SBF2: variants seen among roughly 807,000 people sequenced by gnomAD.
SBF2 encodes the protein SET binding factor 2.
A neutral mutation model predicts 225.2 loss-of-function variants in SBF2; 112 were observed. The ratio of observed to expected loss-of-function variants is 0.50; its 90% CI spans 0.43 to 0.58. The LOEUF is 0.58. SBF2 is among the 20% of genes least tolerant of loss of function. The pLI, the probability that SBF2 is intolerant of heterozygous loss-of-function variation, is 0.00. For synonymous variants in SBF2, 763 were observed against 773.3 expected, an observed-to-expected ratio of 0.99 and a Z score of 0.22; for missense variants, 1,996 against 2,206.2, an observed-to-expected ratio of 0.90 and a Z score of 1.91.
At chr11:10,212,338 A>T (rs1273104775) in intron 1 of SBF2, among the ~76,000 whole-genome samples, 1 of 152,194 alleles carries the variant, frequency 6.6e-6, no homozygotes, top group African/African-American at 2.4e-5. Flanking sequence ...GTCGCTGGGA[A>T]TTATCATTAG....
intron 33 of SBF2, among the ~76,000 whole-genome samples, chr11:9,793,896 G>T (rs1384124573): frequency 3.3e-5 from 5 of 152,158 alleles, no homozygotes; most frequent in Non-Finnish European, 7.3e-5. Context: ...GAGAAGCCTT[G>T]GTCTTTGGCC....
intron 1 of SBF2, among the ~76,000 whole-genome samples, chr11:10,262,108 A>G (rs1961495892): frequency 6.6e-6 from 1 of 152,190 alleles, no homozygotes; most frequent in African/African-American, 2.4e-5. Context: ...AAAGAAAAAA[A>G]AAGTCCCCAA....
chr11:10,074,658 T>C (rs913706859), intron 2 of SBF2, among the ~76,000 whole-genome samples: 3 of 152,182 alleles, frequency 2.0e-5, no homozygotes, highest in Admixed American at 6.5e-5. Context: ...TATCTCTGTT[T>C]ATTAAGTTTA....
intron 1 of SBF2, among the ~76,000 whole-genome samples, chr11:10,286,136 T>C (rs1963757008): frequency 6.7e-6 from 1 of 150,134 alleles, no homozygotes; most frequent in Non-Finnish European, 1.5e-5. Flanking sequence ...CCAAAAGAGA[T>C]TTTAAATTTC....
At position 10,294,190 on chromosome 11, in the gene SBF2, C is replaced by G; in HGVS notation, c.-121G>C. ...GGCAGTAGCGGCAGCGGCAGCGCTT[C>G]AGCCATGTTTGACAACCGAGGCGCG... On this transcript the variant is annotated 5_prime_UTR_variant, in exon 1 of 40. Coordinates refer to ENST00000256190, the MANE Select transcript of SBF2 (RefSeq NM_030962.4). The G allele has an allele frequency of 1.3e-6, 1 of 763,356 alleles. No homozygotes were observed. Among genetic ancestry groups the G allele is most frequent in the Non-Finnish European group, 1.8e-6 (1 of 559,182 alleles). 47.3% of individuals were successfully genotyped at this position (763,356 alleles called of 1,614,324 possible).
chr11:10,090,030 A>G (rs1337397755), intron 2 of SBF2, among the ~76,000 whole-genome samples: 6 of 152,234 alleles, frequency 3.9e-5, no homozygotes, highest in Non-Finnish European at 7.3e-5. Context: ...GATACATGCC[A>G]CAACCTGAAT....
intron 2 of SBF2, among the ~76,000 whole-genome samples, chr11:10,179,379 C>CAAAAAAACAA (rs1555065618): frequency 8.5e-6 from 1 of 117,884 alleles, no homozygotes; most frequent in South Asian, 2.4e-4. Flanking sequence ...AAAACAAAAA[C>CAAAAAAACAA]AAAAAAACAA....
At chr11:9,992,323 G>T in intron 12 of SBF2, 92 bp downstream of exon 12, 1 of 918,086 alleles carries the variant, frequency 1.1e-6, no homozygotes, top group Non-Finnish European at 1.6e-6. Flanking sequence ...ATTTATATTT[G>T]ACTATATAAA....
At chr11:10,242,390 A>G (rs1399368896) in intron 1 of SBF2, among the ~76,000 whole-genome samples, 1 of 152,086 alleles carries the variant, frequency 6.6e-6, no homozygotes, top group Non-Finnish European at 1.5e-5. Context: ...AAAGAAAAAA[A>G]AGTATATTAT....
At chr11:10,139,801 A>G (rs1954557744) in intron 2 of SBF2, among the ~76,000 whole-genome samples, 1 of 152,192 alleles carries the variant, frequency 6.6e-6, no homozygotes, top group Non-Finnish European at 1.5e-5. Context: ...CCAAGGAAAA[A>G]TCAACAGAAA....
At chr11:9,963,632 A>G in intron 15 of SBF2, 141 bp downstream of exon 15, 1 of 612,886 alleles carries the variant, frequency 1.6e-6, no homozygotes, top group Admixed American at 2.8e-5. Flanking sequence ...GACACTATTC[A>G]TTTAAAATGA....
chr11:9,801,335 A>AAT (rs1853479564), intron 32 of SBF2, among the ~76,000 whole-genome samples: 1 of 152,218 alleles, frequency 6.6e-6, no homozygotes, highest in Non-Finnish European at 1.5e-5. Context: ...GAGAATCTGA[A>AAT]ATGGAATTTG....
At chr11:10,183,199 T>G (rs1956805643) in intron 2 of SBF2, among the ~76,000 whole-genome samples, 1 of 152,154 alleles carries the variant, frequency 6.6e-6, no homozygotes, top group Non-Finnish European at 1.5e-5. Context: ...AAATAACACC[T>G]GAGTAAACTT....
intron 17 of SBF2, among the ~76,000 whole-genome samples, chr11:9,891,791 T>C (rs12295264): frequency 0.015 from 2,237 of 152,230 alleles, 61 homozygotes; most frequent in African/African-American, 0.05. Context: ...AAAAAATAAT[T>C]TGTGGTGGCT....
intron 32 of SBF2, among the ~76,000 whole-genome samples, chr11:9,799,679 A>G (rs1432625815): frequency 6.6e-6 from 1 of 152,210 alleles, no homozygotes; most frequent in African/African-American, 2.4e-5. Context: ...TTCTTCCATC[A>G]TGTAAGAAGA....
chr11:9,938,736 G>C lies in SBF2; in HGVS notation c.1860+23221C>G, dbSNP rs1349838770. 3.7e-4 allele frequency among the ~76,000 whole-genome samples: 56 copies of C among 152,046 alleles called. 1 individual carries two copies. The highest frequency in any genetic ancestry group is 3.5e-3 in the Admixed American group (54 of 15,266). On this transcript the variant is annotated intron_variant, in intron 16 of 39. Transcript: ENST00000256190. ...CTGGATATTTCTAATATACTGTATA[G>C]TTATAAATTCCAGCTGCAATAAGAA... is the stretch of plus-strand genomic sequence containing the variant.
At chr11:9,864,519 T>C in intron 17 of SBF2, among the ~76,000 whole-genome samples, 1 of 152,156 alleles carries the variant, frequency 6.6e-6, no homozygotes, top group South Asian at 2.1e-4. Context: ...CCTGTGTAAC[T>C]GGGACCACAG....
chr11:9,951,532 C>G (rs1191769112), intron 16 of SBF2, among the ~76,000 whole-genome samples: 2 of 152,114 alleles, frequency 1.3e-5, no homozygotes, highest in Admixed American at 6.5e-5. Context: ...GAGAGAAGAT[C>G]TAAAGATGGA....
chr11:9,992,494 T>C lies in SBF2; in HGVS notation c.1217A>G (p.Lys406Arg). 6.2e-7 allele frequency: 1 copy of C among 1,613,298 alleles called. No individual in the cohort carries two copies. Among genetic ancestry groups the C allele is most frequent in the Non-Finnish European group, 8.5e-7 (1 of 1,179,492 alleles). Reference sequence around the variant, plus strand: ...TGCAAATGCCATTCCACTGAGTACTTTAGTGAGGAAATCATTCTCGACCAA... The same window carrying C: ...TGCAAATGCCATTCCACTGAGTACTCTAGTGAGGAAATCATTCTCGACCAA... Reference protein sequence around the residue: ...RGLVENDFLTKVLSGMAFAGF... With the variant: ...RGLVENDFLTRVLSGMAFAGF... The change falls in exon 12 of 40, where the codon AAA becomes AGA. Residue 406 changes from lysine to arginine, a missense_variant. Coordinates refer to ENST00000256190, the MANE Select transcript of SBF2 (RefSeq NM_030962.4).
Sources: gnomAD v4.1 joint callset for allele counts (sites outside exome capture counted in the v4.1 genomes callset) on GRCh38, gnomAD v4.1.1 for gene constraint, MANE v1.5 for transcripts, NCBI Gene and HGNC (gene_info 2026-07-23, HGNC 2026-07-21) for gene names.